The following PCDHA11 variants were observed in gnomAD, a reference collection of about 807,000 sequenced individuals.
PCDHA11 encodes the protein protocadherin alpha 11.
Under a neutral mutation model 70.3 loss-of-function variants are expected in PCDHA11, and 61 were observed. The ratio of observed to expected loss-of-function variants is 0.87; its 90% CI spans 0.71 to 1.07. PCDHA11 has a LOEUF of 1.07. Among genes scored for constraint, PCDHA11 ranks in the 50% least tolerant of loss-of-function variants. The pLI is 0.00. For synonymous variants in PCDHA11, 633 were observed against 555.1 expected (o/e 1.14, Z -1.97); for missense variants, 1,324 against 1,237.5 (o/e 1.07, Z -1.05).
At chr5:140,929,417 T>C in intron 1 of PCDHA11, 2 of 1,503,568 alleles carry the variant, frequency 1.3e-6, no homozygotes, top group Non-Finnish European at 1.8e-6. Context: ...TTTCACAACA[T>C]TTCATCAATT....
intron 1 of PCDHA11, among the ~76,000 whole-genome samples, chr5:140,874,280 C>CA (rs1218640311): frequency 6.6e-6 from 1 of 152,146 alleles, no homozygotes; most frequent in Non-Finnish European, 1.5e-5. Context: ...AATAGACTTA[C>CA]AAAATCTATG....
chr5:140,915,886 T>A (rs1259377999), intron 1 of PCDHA11, among the ~76,000 whole-genome samples: 2 of 152,186 alleles, frequency 1.3e-5, no homozygotes, highest in African/African-American at 4.8e-5. Context: ...GGGTAGCAAG[T>A]TCCCCCTGGC....
intron 3 of PCDHA11, among the ~76,000 whole-genome samples, chr5:140,999,452 G>A (rs141442204): frequency 6.4e-4 from 97 of 152,234 alleles, no homozygotes; most frequent in African/African-American, 2.1e-3. Flanking sequence ...TTCGTTCAAC[G>A]AATAAGTGGT....
chr5:140,994,102 A>G (rs2097596379), intron 3 of PCDHA11, among the ~76,000 whole-genome samples: 1 of 152,194 alleles, frequency 6.6e-6, no homozygotes, highest in African/African-American at 2.4e-5. Context: ...TGATGGAAAT[A>G]TTACATTGTC....
intron 1 of PCDHA11, among the ~76,000 whole-genome samples, chr5:140,912,539 T>C (rs2075967162): frequency 6.6e-6 from 1 of 152,172 alleles, no homozygotes; most frequent in Non-Finnish European, 1.5e-5. Flanking sequence ...CATGATCATA[T>C]TGTCAGCAAA....
intron 1 of PCDHA11, chr5:140,926,673 A>T (rs998903830): frequency 2.1e-5 from 12 of 580,470 alleles, no homozygotes; most frequent in Non-Finnish European, 3.2e-5. Flanking sequence ...ACGGCTGCCC[A>T]GCCTCCAGCC....
chr5:140,909,711 A>G (rs1473634057), intron 1 of PCDHA11, among the ~76,000 whole-genome samples: 1 of 152,122 alleles, frequency 6.6e-6, no homozygotes, highest in Non-Finnish European at 1.5e-5. Context: ...TGCTAAGTAT[A>G]CCTATGCCAA....
At chr5:140,995,946 C>A (rs2097705145) in intron 3 of PCDHA11, among the ~76,000 whole-genome samples, 1 of 152,192 alleles carries the variant, frequency 6.6e-6, no homozygotes, top group South Asian at 2.1e-4. Flanking sequence ...TGACATAATG[C>A]ACGCAAAATG....
At chr5:140,968,852 A>G (rs1554231175) in intron 1 of PCDHA11, 1 of 1,614,196 alleles carries the variant, frequency 6.2e-7, no homozygotes, top group Non-Finnish European at 8.5e-7. Flanking sequence ...GAGGCATGTT[A>G]AGAGCCCTCG....
chr5:140,967,963 A>G (rs1554230144), intron 1 of PCDHA11: 1 of 1,614,210 alleles, frequency 6.2e-7, no homozygotes, highest in South Asian at 1.1e-5. Flanking sequence ...CCAACCGGAA[A>G]GTGAGCCTGG....
intron 1 of PCDHA11, chr5:140,927,853 G>A: frequency 6.2e-7 from 1 of 1,614,214 alleles, no homozygotes. Flanking sequence ...CTTTGGTTTA[G>A]CTAGCACCGC....
chr5:140,998,836 T>C (rs1388208720), intron 3 of PCDHA11, among the ~76,000 whole-genome samples: 2 of 152,254 alleles, frequency 1.3e-5, no homozygotes, highest in Non-Finnish European at 2.9e-5. Context: ...AGTGCTGGAT[T>C]ACTGGTGTGA....
At chr5:140,989,041 A>G (rs531223216) in intron 3 of PCDHA11, 1 of 152,340 alleles carries the variant, frequency 6.6e-6, no homozygotes, top group Admixed American at 6.5e-5. Flanking sequence ...GATTCCTTTA[A>G]TATGCCAGCT....
chr5:141,001,401 G>A (rs190876782), intron 3 of PCDHA11, among the ~76,000 whole-genome samples: 12 of 152,314 alleles, frequency 7.9e-5, no homozygotes, highest in African/African-American at 2.4e-4. Context: ...AGAGAACAGG[G>A]AGTATATTTT....
At position 140,869,182 on chromosome 5, in the gene PCDHA11, G is replaced by A. The variant is rs2050897144; in HGVS notation, c.79G>A (p.Gly27Arg). ...WLLLLEFWEV[G>R]SGQLHYSVSE... ...TCTCCTCCTCGAATTCTGGGAGGTG[G>A]GGAGCGGCCAGCTCCACTACTCCGT... The change falls in exon 1 of 4, where the codon GGG becomes AGG. Residue 27 changes from glycine to arginine, a missense_variant. Gly to Arg is a moderately radical substitution (Grantham distance 125). Coordinates refer to ENST00000398640, the MANE Select transcript of PCDHA11 (RefSeq NM_018902.5). The A allele has an allele frequency of 1.2e-6, 2 of 1,613,976 alleles. No homozygotes were observed. Among genetic ancestry groups the A allele is most frequent in the East Asian group, 2.2e-5 (1 of 44,882 alleles).
chr5:140,895,309 C>A (rs1327911944), intron 1 of PCDHA11, among the ~76,000 whole-genome samples: 1 of 152,124 alleles, frequency 6.6e-6, no homozygotes, highest in African/African-American at 2.4e-5. Context: ...CCCCCTTCCA[C>A]CCATGACTAT....
chr5:140,878,856 G>T (rs1210501065), intron 1 of PCDHA11, among the ~76,000 whole-genome samples: 1 of 152,168 alleles, frequency 6.6e-6, no homozygotes, highest in Admixed American at 6.5e-5. Flanking sequence ...GGGTTCAACT[G>T]ATCCTCCATT....
At chr5:140,917,495 AATG>A (rs1391932074) in intron 1 of PCDHA11, among the ~76,000 whole-genome samples, 1 of 152,174 alleles carries the variant, frequency 6.6e-6, no homozygotes, top group Non-Finnish European at 1.5e-5. Flanking sequence ...CTATGCCCAG[AATG>A]ATATTTTCTA....
chr5:140,876,092 A>C, intron 1 of PCDHA11: 2 of 1,613,948 alleles, frequency 1.2e-6, no homozygotes, highest in Non-Finnish European at 1.7e-6. Context: ...CAAACGCCAA[A>C]ACTCAATTTA....
Sources: gnomAD v4.1 joint callset for allele counts (sites outside exome capture counted in the v4.1 genomes callset) on GRCh38, gnomAD v4.1.1 for gene constraint, MANE v1.5 for transcripts, NCBI Gene and HGNC (gene_info 2026-07-23, HGNC 2026-07-21) for gene names.